Variants in FHIT observed in about 807,000 individuals in gnomAD.
The protein encoded by FHIT is fragile histidine triad diadenosine triphosphatase, also known as bis(5'-adenosyl)-triphosphatase.
In FHIT, 19 loss-of-function variants were observed where a neutral mutation model predicts 17.9. The observed-to-expected ratio is 1.06, with a 90% CI of 0.74 to 1.56. The LOEUF is 1.56. Ranked by LOEUF, FHIT falls within the 40% of genes most tolerant of loss-of-function variation. The pLI is 0.00. For synonymous variants in FHIT, 81 were observed against 69.7 expected (o/e 1.16, Z -0.81); for missense variants, 248 against 189.2 (o/e 1.31, Z -1.82).
intron 5 of FHIT, among the ~76,000 whole-genome samples, chr3:60,224,044 A>G (rs1704078871): frequency 6.6e-6 from 1 of 152,212 alleles, no homozygotes; most frequent in African/African-American, 2.4e-5. Flanking sequence ...TGTGAACTAT[A>G]TATAACTTAA....
intron 5 of FHIT, among the ~76,000 whole-genome samples, chr3:60,081,876 A>C (rs1182852868): frequency 2.0e-5 from 3 of 151,466 alleles, no homozygotes; most frequent in Non-Finnish European, 4.4e-5. Flanking sequence ...TTGCCAAAAG[A>C]AAGAGGAAGT....
intron 5 of FHIT, among the ~76,000 whole-genome samples, chr3:60,396,690 T>C (rs577066793): frequency 6.6e-6 from 1 of 152,126 alleles, no homozygotes; most frequent in African/African-American, 2.4e-5. Context: ...AGGTTTTACT[T>C]TGGGAATGTT....
At chr3:60,824,559 C>T (rs879954046) in intron 3 of FHIT, among the ~76,000 whole-genome samples, 9 of 152,060 alleles carry the variant, frequency 5.9e-5, no homozygotes, top group Admixed American at 2.0e-4. Flanking sequence ...GAACAATGGA[C>T]CATGGACATA....
chr3:60,463,577 G>C (rs569189206), intron 5 of FHIT, among the ~76,000 whole-genome samples: 1 of 152,236 alleles, frequency 6.6e-6, no homozygotes, highest in East Asian at 1.9e-4. Context: ...AAAACGTCTA[G>C]GAAACCCATC....
chr3:61,158,395 T>C (rs777229566), intron 2 of FHIT, among the ~76,000 whole-genome samples: 15 of 152,274 alleles, frequency 9.9e-5, no homozygotes, highest in Middle Eastern at 6.8e-3. Context: ...GGTAACCAAA[T>C]AAAACCGCAG....
At chr3:59,976,156 C>T (rs1442248637) in intron 7 of FHIT, among the ~76,000 whole-genome samples, 1 of 152,090 alleles carries the variant, frequency 6.6e-6, no homozygotes, top group East Asian at 1.9e-4. Context: ...CCAACAAGTA[C>T]TGGATGCTGT....
chr3:59,886,774 C>T (rs1023169402), intron 8 of FHIT, among the ~76,000 whole-genome samples: 1 of 152,222 alleles, frequency 6.6e-6, no homozygotes, highest in African/African-American at 2.4e-5. Context: ...GTTAGGAGGG[C>T]ACAAACATCC....
chr3:61,079,611 G>A (rs1275451047), intron 2 of FHIT, among the ~76,000 whole-genome samples: 3 of 152,140 alleles, frequency 2.0e-5, no homozygotes, highest in Non-Finnish European at 1.5e-5. Flanking sequence ...TAGTGTCTAT[G>A]TAATTTATTT....
chr3:60,650,233 T>C (rs1553687925), intron 4 of FHIT, among the ~76,000 whole-genome samples: 1 of 152,210 alleles, frequency 6.6e-6, no homozygotes, highest in Non-Finnish European at 1.5e-5. Flanking sequence ...CAACAAAACA[T>C]ACTACAGAAC....
chr3:61,223,095 A>G (rs989339987), intron 1 of FHIT, among the ~76,000 whole-genome samples: 1 of 152,150 alleles, frequency 6.6e-6, no homozygotes. Flanking sequence ...TGGATTTTGG[A>G]TCACTGGTAC....
intron 3 of FHIT, among the ~76,000 whole-genome samples, chr3:60,982,066 C>A (rs1464283013): frequency 6.6e-6 from 1 of 152,246 alleles, no homozygotes; most frequent in Non-Finnish European, 1.5e-5. Context: ...TGCTTCCACT[C>A]TTGCCCTTCC....
intron 3 of FHIT, among the ~76,000 whole-genome samples, chr3:60,994,633 G>C (rs186450459): frequency 1.2e-4 from 19 of 152,300 alleles, no homozygotes; most frequent in African/African-American, 4.3e-4. Context: ...GCACGGTTGG[G>C]AATAAAGATC....
chr3:61,092,858 A>G (rs572358791), intron 2 of FHIT, among the ~76,000 whole-genome samples: 1 of 152,326 alleles, frequency 6.6e-6, no homozygotes, highest in South Asian at 2.1e-4. Context: ...AAAAATAAAT[A>G]ATAACGAAAT....
At chr3:60,890,580 G>A (rs1425301967) in intron 3 of FHIT, among the ~76,000 whole-genome samples, 6 of 152,168 alleles carry the variant, frequency 3.9e-5, no homozygotes, top group African/African-American at 1.2e-4. Flanking sequence ...TTGTAAACCT[G>A]CATCTAAACT....
At chr3:60,798,511 C>T (rs1196714525) in intron 4 of FHIT, among the ~76,000 whole-genome samples, 1 of 152,094 alleles carries the variant, frequency 6.6e-6, no homozygotes, top group Non-Finnish European at 1.5e-5. Flanking sequence ...GGATAAAAAA[C>T]ACTTCTTTAA....
At chr3:61,096,304 C>T (rs987140159) in intron 2 of FHIT, among the ~76,000 whole-genome samples, 2 of 152,184 alleles carry the variant, frequency 1.3e-5, no homozygotes, top group African/African-American at 4.8e-5. Context: ...GCACAAAGTT[C>T]CTGCCACAAT....
intron 5 of FHIT, among the ~76,000 whole-genome samples, chr3:60,440,079 T>C (rs889066352): frequency 1.3e-5 from 2 of 152,106 alleles, no homozygotes; most frequent in African/African-American, 2.4e-5. Flanking sequence ...GAGTCTCATT[T>C]TATATGCACA....
intron 3 of FHIT, among the ~76,000 whole-genome samples, chr3:60,942,159 T>A (rs1559850751): frequency 6.6e-6 from 1 of 152,144 alleles, no homozygotes; most frequent in African/African-American, 2.4e-5. Context: ...ATTTTTGTAT[T>A]TTTTAGTAGA....
rs190848143 is a variant in FHIT at position 60,122,449 on chromosome 3, G to A, written c.104-108297C>T. Among the ~76,000 whole-genome samples the A allele has an allele frequency of 2.8e-3, 424 of 152,258 alleles. 2 individuals are homozygous for A. The highest frequency in any genetic ancestry group is 9.8e-3 in the African/African-American group (405 of 41,534). ...GTTTTGCTAGGAATTCAGGATACAT[G>A]AATCCATGAGGAAACATGAACGTCT... On this transcript the variant is annotated intron_variant, in intron 5 of 9. Transcript: ENST00000492590.
Sources: allele counts gnomAD v4.1 joint callset (sites outside exome capture counted in the v4.1 genomes callset), GRCh38; gene constraint gnomAD v4.1.1; transcripts MANE v1.5; gene names NCBI Gene and HGNC (gene_info 2026-07-23, HGNC 2026-07-21).